The following IQCJ variants were observed in gnomAD, a reference collection of about 807,000 sequenced individuals.
The protein encoded by IQCJ is IQ domain-containing protein J.
IQCJ carries 9 observed loss-of-function variants against 11.0 expected under a neutral mutation model. That is an observed-to-expected ratio of 0.82 (90% CI 0.49 to 1.43). IQCJ has a LOEUF of 1.43. Ranked by LOEUF, IQCJ falls within the 40% of genes most tolerant of loss-of-function variation. The pLI is 0.00. For synonymous variants in IQCJ, 55 were observed against 51.3 expected, an observed-to-expected ratio of 1.07 and a Z score of -0.31; for missense variants, 146 against 133.2, an observed-to-expected ratio of 1.10 and a Z score of -0.47.
intron 1 of IQCJ, among the ~76,000 whole-genome samples, chr3:159,215,907 T>C (rs1725198353): frequency 6.6e-6 from 1 of 152,070 alleles, no homozygotes; most frequent in East Asian, 1.9e-4. Context: ...TCAGGAATAG[T>C]GGCTGTGTTC....
intron 1 of IQCJ, among the ~76,000 whole-genome samples, chr3:159,102,309 T>G (rs1195236200): frequency 2.6e-5 from 4 of 152,218 alleles, no homozygotes; most frequent in Non-Finnish European, 5.9e-5. Flanking sequence ...ACAGTACACC[T>G]TGGTAATAGT....
chr3:159,087,853 T>A (rs1716911958), intron 1 of IQCJ, among the ~76,000 whole-genome samples: 1 of 151,340 alleles, frequency 6.6e-6, no homozygotes, highest in South Asian at 2.1e-4. Flanking sequence ...ATTTTGTTGA[T>A]CCTTTCAAAA....
rs1003361927 is a variant in IQCJ, at chr3:159,262,941, G to A, written c.*210G>A. On this transcript the variant is annotated 3_prime_UTR_variant, in exon 4 of 4. Transcript: ENST00000397832. ...TTATGTGTTCTCATTTCTCTATTAT[G>A]GAGGTATCTTTTTTGCTTTTCTTTA... 42 of 1,305,814 alleles carry A rather than the reference G, an allele frequency of 3.2e-5. No homozygotes were observed. In the African/African-American group the frequency reaches 5.6e-4, roughly 17 times the overall value. The allele number at this position is 1,305,814 out of a possible 1,614,324, so 80.9% of individuals were successfully genotyped here.
intron 1 of IQCJ, among the ~76,000 whole-genome samples, chr3:159,186,788 A>C (rs1723396168): frequency 6.6e-6 from 1 of 152,212 alleles, no homozygotes; most frequent in Non-Finnish European, 1.5e-5. Context: ...CTCACTCATC[A>C]ATCTGAACTA....
At chr3:159,183,825 G>C (rs1723233148) in intron 1 of IQCJ, among the ~76,000 whole-genome samples, 1 of 152,002 alleles carries the variant, frequency 6.6e-6, no homozygotes, top group Non-Finnish European at 1.5e-5. Context: ...ATTCACCACT[G>C]TCTCCATATC....
At chr3:159,161,772 A>AT (rs1721874513) in intron 1 of IQCJ, among the ~76,000 whole-genome samples, 1 of 152,196 alleles carries the variant, frequency 6.6e-6, no homozygotes, top group Non-Finnish European at 1.5e-5. Context: ...TCCCAGCACC[A>AT]TTTATTAAAT....
chr3:159,101,562 C>T (rs1053195152), intron 1 of IQCJ, among the ~76,000 whole-genome samples: 2 of 152,202 alleles, frequency 1.3e-5, no homozygotes, highest in Non-Finnish European at 2.9e-5. Context: ...TAACGGCAAC[C>T]TTCTTTGTTC....
At chr3:159,254,232 T>C (rs1727766725) in intron 3 of IQCJ, among the ~76,000 whole-genome samples, 1 of 152,222 alleles carries the variant, frequency 6.6e-6, no homozygotes, top group African/African-American at 2.4e-5. Flanking sequence ...TTAATGTGAA[T>C]GCTGAAATTA....
intron 1 of IQCJ, among the ~76,000 whole-genome samples, chr3:159,226,316 C>G (rs982602605): frequency 1.3e-5 from 2 of 152,184 alleles, no homozygotes; most frequent in Non-Finnish European, 2.9e-5. Context: ...GGCCCAGGTG[C>G]CAGTCATCTC....
intron 1 of IQCJ, among the ~76,000 whole-genome samples, chr3:159,167,161 C>T (rs751472317): frequency 3.3e-5 from 5 of 152,204 alleles, no homozygotes; most frequent in African/African-American, 1.2e-4. Context: ...ACAGGTATTT[C>T]TTGCCATTTG....
intron 1 of IQCJ, among the ~76,000 whole-genome samples, chr3:159,245,458 CT>C (rs34153369): frequency 2.2e-3 from 245 of 113,054 alleles, no homozygotes; most frequent in Middle Eastern, 5.2e-3. Context: ...GTCCTGAATT[CT>C]TTTTTTTTTT....
In IQCJ at chr3:159,263,101, G is replaced by T. The variant is rs779492056; in HGVS notation, c.*370G>T. 2.0e-6 allele frequency: 2 copies of T among 991,996 alleles called. No individual in the cohort carries two copies. The highest frequency in any genetic ancestry group is 9.1e-5 in the South Asian group (2 of 21,990). 61.4% of individuals were successfully genotyped at this position (991,996 alleles called of 1,614,324 possible). A position where few individuals can be genotyped will look rare whatever the true frequency, so the allele number is the denominator to read the frequency against. ...AGAATTGAAAGTGGTCACACACTCA[G>T]GGGTTGCAACTTAAATGTCTCCAGG... On this transcript the variant is annotated 3_prime_UTR_variant, in exon 4 of 4. Coordinates refer to ENST00000397832, the MANE Select transcript of IQCJ (RefSeq NM_001042706.3).
intron 1 of IQCJ, among the ~76,000 whole-genome samples, chr3:159,120,712 A>G (rs529842355): frequency 3.8e-4 from 58 of 152,354 alleles, no homozygotes; most frequent in African/African-American, 1.3e-3. Context: ...GTTTACAGGT[A>G]GGGAGTATGT....
intron 1 of IQCJ, among the ~76,000 whole-genome samples, chr3:159,182,014 T>A (rs538162435): frequency 6.6e-6 from 1 of 151,690 alleles, no homozygotes; most frequent in Non-Finnish European, 1.5e-5. Context: ...CCAAGCTTTA[T>A]GTGACTTGAC....
At chr3:159,243,770 A>G (rs1727077699) in intron 1 of IQCJ, among the ~76,000 whole-genome samples, 1 of 152,204 alleles carries the variant, frequency 6.6e-6, no homozygotes, top group Non-Finnish European at 1.5e-5. Context: ...TCCAATTAAA[A>G]AAGAAAACCC....
At chr3:159,167,110 G>A (rs1394539738) in intron 1 of IQCJ, among the ~76,000 whole-genome samples, 2 of 152,140 alleles carry the variant, frequency 1.3e-5, no homozygotes, top group Non-Finnish European at 2.9e-5. Context: ...TTCTGCTGGG[G>A]ACTCACCCAA....
chr3:159,163,390 C>G (rs972961286), intron 1 of IQCJ, among the ~76,000 whole-genome samples: 1 of 152,188 alleles, frequency 6.6e-6, no homozygotes, highest in African/African-American at 2.4e-5. Flanking sequence ...ATGCTAAAAA[C>G]TCTCAATAAA....
chr3:159,250,467 TCA>T (rs1303353805), intron 2 of IQCJ, among the ~76,000 whole-genome samples: 2 of 152,208 alleles, frequency 1.3e-5, no homozygotes, highest in Non-Finnish European at 1.5e-5. Context: ...TAGTCCTTTC[TCA>T]CACTGCTATG....
At chr3:159,079,985 C>T (rs967489782) in intron 1 of IQCJ, among the ~76,000 whole-genome samples, 5 of 151,976 alleles carry the variant, frequency 3.3e-5, no homozygotes, top group African/African-American at 7.3e-5. Context: ...ATTATTAGTA[C>T]AAGCATATGA....
Sources: gnomAD v4.1 joint callset for allele counts (sites outside exome capture counted in the v4.1 genomes callset) on GRCh38, gnomAD v4.1.1 for gene constraint, MANE v1.5 for transcripts, NCBI Gene and HGNC (gene_info 2026-07-23, HGNC 2026-07-21) for gene names.